ACP6: variants seen among roughly 807,000 people sequenced by gnomAD.
The protein encoded by ACP6 is lysophosphatidic acid phosphatase type 6.
A neutral mutation model predicts 48.1 loss-of-function variants in ACP6; 48 were observed. The observed-to-expected ratio is 1.00, with a 90% CI of 0.79 to 1.27. ACP6 has a LOEUF of 1.27. ACP6 is among the 50% of genes most tolerant of loss of function. The probability of loss-of-function intolerance (pLI) is 0.00; values close to 1 mark genes in which losing one functional copy is unlikely to be tolerated. For synonymous variants in ACP6, 172 were observed against 204.2 expected (o/e 0.84, Z 1.34); for missense variants, 485 against 529.1 (o/e 0.92, Z 0.82).
At chr1:147,663,120 T>C (rs1660628278) in intron 1 of ACP6, among the ~76,000 whole-genome samples, 1 of 152,240 alleles carries the variant, frequency 6.6e-6, no homozygotes, top group Non-Finnish European at 1.5e-5. Context: ...ACACAACTTT[T>C]ATATGCACTG....
At position 147,654,271 on chromosome 1, in the gene ACP6, C is replaced by T. The variant is rs781931066; in HGVS notation, c.703G>A (p.Val235Met). ...QPGISEDLKK[V>M]KDRMGIDSSD... ...CTGTCAATGCCCATCCTGTCCTTCACCTTTTTCAAATCCTCTGAGATTCCT... is the reference window on the plus strand; with the variant it reads ...CTGTCAATGCCCATCCTGTCCTTCATCTTTTTCAAATCCTCTGAGATTCCT... The change falls in exon 6 of 10, where the codon GTG (valine) becomes ATG (methionine). Residue 235 changes from valine to methionine, a missense_variant. Val to Met is a conservative substitution (Grantham distance 21). Coordinates refer to ENST00000583509, the MANE Select transcript of ACP6 (RefSeq NM_016361.5). 1.8e-5 allele frequency: 29 copies of T among 1,614,204 alleles called. No homozygotes were observed. The highest frequency in any genetic ancestry group is 2.7e-5 in the African/African-American group (2 of 75,044).
At chr1:147,669,715 C>T (rs369333966) in intron 1 of ACP6, 115 bp downstream of exon 1, 1 of 1,158,278 alleles carries the variant, frequency 8.6e-7, no homozygotes, top group Non-Finnish European at 1.2e-6. Flanking sequence ...TCTTCTGGAC[C>T]CAACCCGAGC....
chr1:147,652,513 A>G lies in ACP6; in HGVS notation c.817T>C (p.Phe273Leu), dbSNP rs1020826077. 3 of 1,613,996 alleles carry G rather than the reference A, an allele frequency of 1.9e-6. No individual in the cohort carries two copies. The East Asian group carries it at 6.7e-5, about 36-fold the overall frequency. ...GCTCTCTGTTCGATCATCCTTGCAA[A>G]TCTCTTCAGCATGGGGCAGCTTGGG... ...NLPSCPMLKRFARMIEQRAVD... is the reference protein window; with the variant it reads ...NLPSCPMLKRLARMIEQRAVD... Residue 273 changes from phenylalanine (F) to leucine (L), a missense_variant, in exon 7 of 10, where the codon TTT becomes CTT. Coordinates refer to ENST00000583509, the MANE Select transcript of ACP6 (RefSeq NM_016361.5).
intron 1 of ACP6, among the ~76,000 whole-genome samples, chr1:147,668,706 C>T (rs781888664): frequency 2.6e-5 from 4 of 151,878 alleles, no homozygotes; most frequent in Non-Finnish European, 2.9e-5. Context: ...GAAGAAATCC[C>T]GGTTCCAGAG....
chr1:147,641,575 T>C (rs1437246331), downstream of ACP6, among the ~76,000 whole-genome samples: 1 of 152,182 alleles, frequency 6.6e-6, no homozygotes, highest in Non-Finnish European at 1.5e-5. Flanking sequence ...GGTGAGAGCC[T>C]CCTGTGGGAA....
chr1:147,661,722 GA>G (rs1188807407), intron 1 of ACP6, among the ~76,000 whole-genome samples: 1 of 152,184 alleles, frequency 6.6e-6, no homozygotes, highest in Non-Finnish European at 1.5e-5. Flanking sequence ...GCCAAGTTAT[GA>G]ATGCAAAGGA....
chr1:147,646,325 G>C lies in ACP6; in HGVS notation c.*1098C>G, dbSNP rs1234535146. On this transcript the variant is annotated 3_prime_UTR_variant, in exon 10 of 10. Coordinates refer to ENST00000583509, the MANE Select transcript of ACP6 (RefSeq NM_016361.5). ...GGAGAAGCAGGTCTGGGAGGAGGGG[G>C]GTTTGATTCTAACATGGAAAGTTTT... 3 of 152,078 alleles carry C rather than the reference G, an allele frequency of 2.0e-5. No homozygotes were observed. Among genetic ancestry groups the C allele is most frequent in the Admixed American group, 2.0e-4 (3 of 15,262 alleles). The allele number at this position is 152,078 out of a possible 1,614,324, so 9.4% of individuals were successfully genotyped here.
At chr1:147,629,807 G>A (rs1659113281) in exon 6 of ACP6, 1 of 152,114 alleles carries the variant, frequency 6.6e-6, no homozygotes, top group African/African-American at 2.4e-5. Context: ...AATAAAAGTT[G>A]TCTCTATTTA....
Position 147,642,975 on chromosome 1 carries a change from C to G in ACP6, c.*4448G>C, listed in dbSNP as rs994423135. ...AAGTCCAAGATCGTGGTGTCAGCAG[C>G]ATTGGTTTCTTCTGAGGCCTCTCTC... On this transcript the variant is annotated 3_prime_UTR_variant, in exon 10 of 10. Transcript: ENST00000583509. The G allele has an allele frequency of 6.6e-6, 1 of 152,214 alleles. No individual in the cohort carries two copies. Among genetic ancestry groups the G allele is most frequent in the Non-Finnish European group, 1.5e-5 (1 of 68,056 alleles). The allele number at this position is 152,214 out of a possible 1,614,324, so 9.4% of individuals were successfully genotyped here. A position where few individuals can be genotyped will look rare whatever the true frequency, so the allele number is the denominator to read the frequency against.
intron 1 of ACP6, among the ~76,000 whole-genome samples, chr1:147,660,211 C>T (rs1184383197): frequency 3.3e-5 from 5 of 152,180 alleles, no homozygotes; most frequent in African/African-American, 9.7e-5. Context: ...CTTAATGTCC[C>T]TTGTAACTAA....
chr1:147,636,672 C>T (rs965580622), intron 5 of ACP6, among the ~76,000 whole-genome samples: 6 of 152,166 alleles, frequency 3.9e-5, no homozygotes, highest in Non-Finnish European at 7.3e-5. Context: ...AAACTGTTAT[C>T]GGACAACATG....
chr1:147,666,814 C>T (rs1399601344), intron 1 of ACP6, among the ~76,000 whole-genome samples: 1 of 152,176 alleles, frequency 6.6e-6, no homozygotes, highest in African/African-American at 2.4e-5. Context: ...GGGTGGACCT[C>T]ATGTAATGCT....
intron 1 of ACP6, among the ~76,000 whole-genome samples, chr1:147,662,450 T>C (rs587702819): frequency 6.6e-6 from 1 of 152,154 alleles, no homozygotes; most frequent in Non-Finnish European, 1.5e-5. Context: ...GAGGTCAAAA[T>C]AGCAACATTA....
chr1:147,631,612 G>A (rs782103326), intron 5 of ACP6, among the ~76,000 whole-genome samples: 44 of 152,086 alleles, frequency 2.9e-4, no homozygotes, highest in African/African-American at 9.9e-4. Flanking sequence ...TCAAGAGATC[G>A]AGACCATCCT....
chr1:147,654,286 C>G lies in ACP6; in HGVS notation c.688G>C (p.Glu230Gln). ...QTASLQPGIS[E>Q]DLKKVKDRMG... ...CTGTCCTTCACCTTTTTCAAATCCT[C>G]TGAGATTCCTGGCTGTAAAGAGGCA... The change falls in exon 6 of 10, where the codon GAG becomes CAG. Residue 230 changes from glutamate (E) to glutamine (Q), a missense_variant. Glu to Gln is a conservative substitution (Grantham distance 29, BLOSUM62 2). Coordinates refer to ENST00000583509, the MANE Select transcript of ACP6 (RefSeq NM_016361.5). 1 of 1,614,162 alleles carries G rather than the reference C, an allele frequency of 6.2e-7. No homozygotes were observed. The highest frequency in any genetic ancestry group is 8.5e-7 in the Non-Finnish European group (1 of 1,180,014).
chr1:147,629,987 A>T (rs1183338948), exon 6 of ACP6: 2 of 152,232 alleles, frequency 1.3e-5, no homozygotes, highest in Non-Finnish European at 2.9e-5. Context: ...AGAGAAAATA[A>T]ACAGAAGAAC....
At chr1:147,633,906 A>G (rs1319030102) in intron 5 of ACP6, among the ~76,000 whole-genome samples, 2 of 152,230 alleles carry the variant, frequency 1.3e-5, no homozygotes, top group African/African-American at 4.8e-5. Flanking sequence ...ATTTTTAAGT[A>G]TACATTAATG....
intron 1 of ACP6, among the ~76,000 whole-genome samples, chr1:147,666,193 AG>A (rs1285425284): frequency 3.3e-4 from 50 of 152,266 alleles, no homozygotes; most frequent in African/African-American, 1.2e-3. Context: ...ACTAGTTTAA[AG>A]AAAAAAGCAA....
At chr1:147,655,832 C>T (rs1553211509) in intron 4 of ACP6, among the ~76,000 whole-genome samples, 1 of 152,206 alleles carries the variant, frequency 6.6e-6, no homozygotes. Flanking sequence ...TCATATATCT[C>T]ATGGCAGCTC....
Sources: gnomAD v4.1 joint callset for allele counts (sites outside exome capture counted in the v4.1 genomes callset) on GRCh38, gnomAD v4.1.1 for gene constraint, MANE v1.5 for transcripts, NCBI Gene and HGNC (gene_info 2026-07-23, HGNC 2026-07-21) for gene names.